STXBP2: variants seen among roughly 807,000 people sequenced by gnomAD.
STXBP2 encodes the protein syntaxin binding protein 2.
Under a neutral mutation model 72.2 loss-of-function variants are expected in STXBP2, and 47 were observed. The observed-to-expected ratio is 0.65, with a 90% confidence interval of 0.51 to 0.83. STXBP2 has a LOEUF of 0.83. Ranked by LOEUF, STXBP2 falls within the 40% of genes least tolerant of loss-of-function variation. The probability of loss-of-function intolerance (pLI) is 0.00; values close to 1 mark genes in which losing one functional copy is unlikely to be tolerated. For synonymous variants in STXBP2, 367 were observed against 338.7 expected (o/e 1.08, Z -0.92); for missense variants, 702 against 807.6 (o/e 0.87, Z 1.58).
the STXBP2 span, chr19:7,631,685 G>T: frequency 6.9e-7 from 1 of 1,458,422 alleles, no homozygotes; most frequent in Admixed American, 2.4e-5. Context: ...GATGCCTCAG[G>T]CCCTCAGGGG....
At chr19:7,641,364 T>C (rs1224942950) in intron 6 of STXBP2, among the ~76,000 whole-genome samples, 1 of 152,142 alleles carries the variant, frequency 6.6e-6, no homozygotes, top group Admixed American at 6.5e-5. Context: ...AGCGAGATCC[T>C]GTCTCAAAAA....
chr19:7,641,057 CCT>C (rs779647158), intron 6 of STXBP2, 54 bp downstream of exon 6: 12 of 1,574,734 alleles, frequency 7.6e-6, no homozygotes, highest in East Asian at 4.5e-5. Flanking sequence ...CCAAATGTCC[CCT>C]GTTCCCTCAG....
At chr19:7,633,728 G>A, upstream of STXBP2, 1 of 513,120 alleles carries the variant, frequency 1.9e-6, no homozygotes, top group Non-Finnish European at 3.5e-6. Context: ...CTGGACCCCA[G>A]GGACTCTCAG....
Position 7,646,690 on chromosome 19 carries a change from C to T in STXBP2, c.1452+346C>T, listed in dbSNP as rs1013742308. On this transcript the variant is annotated intron_variant, in intron 16 of 18. Transcript: ENST00000221283. ...CCATCCAATGGCAATGGGCCTGGGG[C>T]GGCTTCCTGGCTTCCTCCTTGTCCC... 6.4e-5 allele frequency: 27 copies of T among 421,736 alleles called. 1 individual carries two copies. Among genetic ancestry groups the T allele is most frequent in the South Asian group, 5.0e-4 (20 of 40,150 alleles). The allele number at this position is 421,736 out of a possible 1,614,324, so 26.1% of individuals were successfully genotyped here. A position where few individuals can be genotyped will look rare whatever the true frequency, so the allele number is the denominator to read the frequency against.
At chr19:7,630,240 G>T in the STXBP2 span, 1 of 454,040 alleles carries the variant, frequency 2.2e-6, no homozygotes. Context: ...GACGCCTCCT[G>T]GGTTTGGGGG....
intron 15 of STXBP2, among the ~76,000 whole-genome samples, chr19:7,645,740 C>T (rs1320079124): frequency 6.6e-6 from 1 of 152,006 alleles, no homozygotes; most frequent in Non-Finnish European, 1.5e-5. Flanking sequence ...CTCTCTCTGG[C>T]CCTGTGCGTC....
chr19:7,644,893 C>T (rs1446198095), intron 14 of STXBP2, 141 bp downstream of exon 14: 2 of 1,491,914 alleles, frequency 1.3e-6, no homozygotes, highest in Admixed American at 2.1e-5. Context: ...CCCTCTGGAC[C>T]CGGGAACCCT....
intron 14 of STXBP2, 106 bp from the exon 15 acceptor site, chr19:7,645,091 G>T (rs2032078858): frequency 6.8e-7 from 1 of 1,472,888 alleles, no homozygotes; most frequent in African/African-American, 1.4e-5. Context: ...CCCACTGCAA[G>T]GTTCTCTCAT....
rs765133484 is a variant in STXBP2 at position 7,643,175 on chromosome 19, A to T, written c.1037A>T (p.His346Leu). The change falls in exon 13 of 19, where the codon CAC becomes CTC. Residue 346 changes from histidine to leucine, a missense_variant. Coordinates refer to ENST00000221283, the MANE Select transcript of STXBP2 (RefSeq NM_006949.4). Reference sequence around the variant, plus strand: ...CCCTGCACCCTGCAGTATTCTACGCACCTGCATCTAGCAGATGATTGTATG... The same window carrying T: ...CCCTGCACCCTGCAGTATTCTACGCTCCTGCATCTAGCAGATGATTGTATG... ...YQKELNKYST[H>L]LHLADDCMKH... The T allele has an allele frequency of 6.2e-7, 1 of 1,613,708 alleles. No individual in the cohort carries two copies. The highest frequency in any genetic ancestry group is 1.3e-5 in the African/African-American group (1 of 74,800).
At chr19:7,629,938 G>T in the STXBP2 span, 6 of 1,413,518 alleles carry the variant, frequency 4.2e-6, no homozygotes, top group Non-Finnish European at 4.7e-6. Flanking sequence ...GAAATGGGGG[G>T]ACTTCAAAGG....
rs758747789 is a variant in STXBP2, at chr19:7,642,185, C to T, written c.664-18C>T. 4.3e-6 allele frequency: 7 copies of T among 1,614,084 alleles called. No individual in the cohort carries two copies. The highest frequency in any genetic ancestry group is 1.7e-5 in the Admixed American group (1 of 60,026). ...GCTCAGGGTCAGTGCCTCATTCCTG[C>T]CCTAAACCCCACCCCAGGGCCCAGA... On this transcript the variant is annotated intron_variant, in intron 8 of 18. Transcript: ENST00000221283. The surrounding 1 kb of genome is among the most constrained non-coding windows in gnomAD (Gnocchi z 6.0).
intron 13 of STXBP2, among the ~76,000 whole-genome samples, chr19:7,643,489 G>T (rs939398533): frequency 2.6e-5 from 4 of 152,146 alleles, no homozygotes; most frequent in African/African-American, 9.7e-5. Context: ...TTGGGTGAGG[G>T]GCAGAGCCTT....
intron 15 of STXBP2, 99 bp downstream of exon 15, chr19:7,645,405 G>T: frequency 8.2e-7 from 1 of 1,212,230 alleles, no homozygotes. Flanking sequence ...GCACGGTGTG[G>T]TTCCTGGCGT....
chr19:7,632,558 T>G (rs567680963), upstream of STXBP2: 3 of 1,606,596 alleles, frequency 1.9e-6, no homozygotes, highest in South Asian at 3.3e-5. The surrounding 1 kb of genome is among the most constrained non-coding windows in gnomAD (Gnocchi z 5.2). Context: ...ACAGCCGGAG[T>G]GGGGGCCCCC....
At chr19:7,633,280 C>T (rs1318322953), upstream of STXBP2, 4 of 1,010,058 alleles carry the variant, frequency 4.0e-6, no homozygotes, top group Non-Finnish European at 5.8e-6. Flanking sequence ...CCCCTTTCTA[C>T]AGCCACAACT....
chr19:7,632,633 C>T, upstream of STXBP2: 1 of 1,577,298 alleles, frequency 6.3e-7, no homozygotes, highest in South Asian at 1.1e-5. This position sits in a 1 kb window ranked among gnomAD's most constrained non-coding sequence, Gnocchi z 5.2. Flanking sequence ...CATCCCGTGC[C>T]CCCAGGCCCT....
chr19:7,642,437 C>A lies in STXBP2; in HGVS notation c.803C>A (p.Thr268Asn), dbSNP rs1325120124. Residue 268 changes from threonine to asparagine, a missense_variant, in exon 10 of 19, where the codon ACC becomes AAC. By Grantham distance (65) the Thr-to-Asn change is moderately conservative. Coordinates refer to ENST00000221283, the MANE Select transcript of STXBP2 (RefSeq NM_006949.4). This position sits in a 1 kb window ranked among gnomAD's most constrained non-coding sequence, Gnocchi z 6.0. Reference protein sequence around the residue: ...DIEQDTYRYETTGLSEAREKA... With the variant: ...DIEQDTYRYENTGLSEAREKA... ...CCCTCCTTCCTCCCCAGGTATGAGA[C>A]CACCGGGCTGAGCGAGGCGCGGGAG... The A allele has an allele frequency of 6.2e-7, 1 of 1,613,986 alleles. No homozygotes were observed. The highest frequency in any genetic ancestry group is 1.1e-5 in the South Asian group (1 of 91,090).
chr19:7,638,990 T>G (rs1397112455), intron 2 of STXBP2, 29 bp from the exon 3 acceptor site: 5 of 1,613,374 alleles, frequency 3.1e-6, no homozygotes, highest in Non-Finnish European at 2.5e-6. Flanking sequence ...CGCCTGCTCC[T>G]CCATCCATCT....
At chr19:7,633,667 TA>T (rs1208699200), upstream of STXBP2, 2 of 578,990 alleles carry the variant, frequency 3.5e-6, no homozygotes, top group Non-Finnish European at 6.1e-6. Context: ...GCATGGTGGG[TA>T]GGGGGCAGGG....
Sources: allele counts gnomAD v4.1 joint callset (sites outside exome capture counted in the v4.1 genomes callset), GRCh38; gene constraint gnomAD v4.1.1; non-coding constraint Gnocchi (gnomAD v3.1); transcripts MANE v1.5; gene names NCBI Gene and HGNC (gene_info 2026-07-23, HGNC 2026-07-21).